UQCRC1: variants seen among roughly 807,000 people sequenced by gnomAD.
UQCRC1 encodes the protein ubiquinol-cytochrome c reductase core protein 1.
Under a neutral mutation model 58.0 loss-of-function variants are expected in UQCRC1, and 34 were observed. The ratio of observed to expected loss-of-function variants is 0.59; its 90% CI spans 0.45 to 0.78. The LOEUF is 0.78. UQCRC1 is among the 30% of genes least tolerant of loss of function. UQCRC1 has a pLI of 0.00. For synonymous variants in UQCRC1, 276 were observed against 248.8 expected, an observed-to-expected ratio of 1.11 and a Z score of -1.03; for missense variants, 610 against 646.0, an observed-to-expected ratio of 0.94 and a Z score of 0.60.
chr3:48,604,505 C>T lies in UQCRC1; in HGVS notation c.428-74G>A, dbSNP rs2046394584. On this transcript the variant is annotated intron_variant, in intron 4 of 12. Transcript: ENST00000203407. ...CAACGACAGCACAAAATCCCCAGGC[C>T]TGGCATCTCCTGCTGCCCACCCCTA... 3.8e-6 allele frequency: 6 copies of T among 1,586,934 alleles called. No homozygotes were observed. In the South Asian group the frequency reaches 6.7e-5, roughly 18 times the overall value.
chr3:48,599,233 C>T (rs765803623), intron 12 of UQCRC1, 41 bp from the exon 13 acceptor site: 1 of 1,562,362 alleles, frequency 6.4e-7, no homozygotes, highest in East Asian at 2.3e-5. Context: ...GGTACCTGGC[C>T]TGCACAGGGA....
In UQCRC1 at chr3:48,601,178, G is replaced by T. The variant is rs528557691; in HGVS notation, c.823-60C>A. On this transcript the variant is annotated intron_variant, in intron 7 of 12. Coordinates refer to ENST00000203407, the MANE Select transcript of UQCRC1 (RefSeq NM_003365.3). The stretch of plus-strand genomic sequence containing the variant: ...AGACTGCCAGGGGAACAGAAAAGGT[G>T]GCAGGTGTGGGTAGAGGGTGTATGT... 142 of 1,563,924 alleles carry T rather than the reference G, an allele frequency of 9.1e-5. 2 individuals are homozygous for T. The Middle Eastern group carries it at 1.7e-3, about 19-fold the overall frequency.
Position 48,609,311 on chromosome 3 carries a change from G to C in UQCRC1, c.70-9C>G. 1.3e-6 allele frequency: 2 copies of C among 1,599,742 alleles called. No homozygotes were observed. The highest frequency in any genetic ancestry group is 2.7e-5 in the African/African-American group (2 of 74,814). On this transcript the variant is annotated splice_polypyrimidine_tract_variant and intron_variant, in intron 1 of 12. Coordinates refer to ENST00000203407, the MANE Select transcript of UQCRC1 (RefSeq NM_003365.3). ...GTCCGCAGCAGGGCCGGCTGTGGAA[G>C]GGAACAGCCGCGAGTGAGGACTCGG...
chr3:48,601,558 T>C (rs991548769), intron 6 of UQCRC1, 91 bp from the exon 7 acceptor site: 10 of 1,185,832 alleles, frequency 8.4e-6, no homozygotes, highest in Non-Finnish European at 1.2e-5. Context: ...CCCCATGTCC[T>C]GTCTTAGTGG....
chr3:48,608,701 T>C (rs773052359), intron 2 of UQCRC1, among the ~76,000 whole-genome samples: 1 of 152,234 alleles, frequency 6.6e-6, no homozygotes, highest in African/African-American at 2.4e-5. Context: ...TTTAGAGAAT[T>C]TGTATTTTTT....
At position 48,604,669 on chromosome 3, in the gene UQCRC1, A is replaced by T; in HGVS notation, c.409T>A (p.Ser137Thr). The T allele has an allele frequency of 1.2e-6, 2 of 1,614,076 alleles. No homozygotes were observed. The highest frequency in any genetic ancestry group is 1.7e-6 in the Non-Finnish European group (2 of 1,180,016). ...GTGTTACCTTTCGGCAGATCCTTGG[A>T]CAGCGCCTTGATGTAGTAAGCTGTG... The part of the protein sequence containing the change: ...EHTAYYIKAL[S>T]KDLPKAVELL... The change falls in exon 4 of 13, where the codon TCC becomes ACC. Residue 137 changes from serine (S) to threonine (T), a missense_variant. Ser to Thr is a moderately conservative substitution (Grantham distance 58). Transcript: ENST00000203407.
chr3:48,601,626 C>G (rs1301769661), intron 6 of UQCRC1, among the ~76,000 whole-genome samples, 159 bp from the exon 7 acceptor site: 2 of 152,244 alleles, frequency 1.3e-5, no homozygotes, highest in Non-Finnish European at 2.9e-5. Flanking sequence ...CCTCCTCAGA[C>G]AGACCCTGCC....
At position 48,609,599 on chromosome 3, in the gene UQCRC1, G is replaced by A. The variant is rs752896953; in HGVS notation, c.22C>T (p.Arg8Trp). 2.1e-4 allele frequency: 333 copies of A among 1,570,304 alleles called. 4 individuals carry two copies. The South Asian group carries it at 3.0e-3, about 14-fold the overall frequency. ...ACTTGTGCCCCGGCGGTAGCGGCCC[G>A]ACAGACCACGGACGCCGCCATCTTC... MAASVVCRAATAGAQVLL... is the reference protein window; with the variant it reads MAASVVCWAATAGAQVLL... Residue 8 changes from arginine to tryptophan, a missense_variant, in exon 1 of 13, where the codon CGG (arginine) becomes TGG (tryptophan). Arg to Trp is a moderately radical substitution (Grantham distance 101). Coordinates refer to ENST00000203407, the MANE Select transcript of UQCRC1 (RefSeq NM_003365.3).
In UQCRC1 at chr3:48,600,988, T is replaced by C; in HGVS notation, c.953A>G (p.Tyr318Cys). ...NAIIGHYDCT[Y>C]GGGVHLSSPL... is the part of the protein sequence containing the mutation. The stretch of plus-strand genomic sequence containing the variant: ...GCTGGCACTCACCACGCCACCACCA[T>C]AAGTGCAGTCATAGTGGCCGATGAT... The change falls in exon 8 of 13, where the codon TAT (tyrosine) becomes TGT (cysteine). Residue 318 changes from tyrosine (Y) to cysteine (C), a missense_variant. By Grantham distance (194) the Tyr-to-Cys change is radical. Transcript: ENST00000203407. 6.2e-7 allele frequency: 1 copy of C among 1,605,184 alleles called. No homozygotes were observed. Among genetic ancestry groups the C allele is most frequent in the East Asian group, 2.2e-5 (1 of 44,572 alleles).
Position 48,600,057 on chromosome 3 carries a change from TGTTACCGCAATCC to T in UQCRC1, c.1295_1302+5del. 6.2e-7 allele frequency: 1 copy of T among 1,614,130 alleles called. No individual in the cohort carries two copies. On this transcript the variant is annotated splice_donor_variant and splice_donor_5th_base_variant and coding_sequence_variant and intron_variant, in exon 11 of 13. Coordinates refer to ENST00000203407, the MANE Select transcript of UQCRC1 (RefSeq NM_003365.3). LOFTEE classifies it high-confidence loss of function. ...CTCCAGAACCTCTCCCAGGGGTCCA[TGTTACCGCAATCC>T]GGCTTTCCCATTCAGCCAGGGGGAT...
intron 2 of UQCRC1, among the ~76,000 whole-genome samples, 178 bp downstream of exon 2, chr3:48,608,984 G>C (rs761997167): frequency 6.6e-6 from 1 of 152,196 alleles, no homozygotes; most frequent in Non-Finnish European, 1.5e-5. Context: ...AGTGAAGATT[G>C]TCCCGTGAAG....
At chr3:48,609,083 C>G in intron 2 of UQCRC1, 79 bp downstream of exon 2, 2 of 1,529,392 alleles carry the variant, frequency 1.3e-6, no homozygotes, top group Non-Finnish European at 1.8e-6. Flanking sequence ...AAGACTCGAG[C>G]CCAAGGTCAC....
At position 48,600,547 on chromosome 3, in the gene UQCRC1, G is replaced by A; in HGVS notation, c.1148C>T (p.Ala383Val). 4 of 1,614,082 alleles carry A rather than the reference G, an allele frequency of 2.5e-6. No homozygotes were observed. The highest frequency in any genetic ancestry group is 3.4e-6 in the Non-Finnish European group (4 of 1,180,020). Residue 383 changes from alanine (A) to valine (V), a missense_variant, in exon 10 of 13, where the codon GCC (alanine) becomes GTC (valine). Coordinates refer to ENST00000203407, the MANE Select transcript of UQCRC1 (RefSeq NM_003365.3). ...QGQWMRLCTS[A>V]TESEVARGKN... Reference sequence around the variant, plus strand: ...GCCCCGGGCCACCTCACTCTCCGTGGCACTGGTACACAGGCGCATCCTAAA... The same window carrying A: ...GCCCCGGGCCACCTCACTCTCCGTGACACTGGTACACAGGCGCATCCTAAA...
intron 2 of UQCRC1, 63 bp from the exon 3 acceptor site, chr3:48,605,919 C>A: frequency 6.6e-7 from 1 of 1,514,490 alleles, no homozygotes; most frequent in Non-Finnish European, 9.1e-7. Flanking sequence ...TACTCACACC[C>A]CACCTGAGTG....
At chr3:48,599,402 T>C (rs919215530) in intron 12 of UQCRC1, 1 of 691,694 alleles carries the variant, frequency 1.4e-6, no homozygotes, top group Non-Finnish European at 2.4e-6. Flanking sequence ...AGGTGCCCGT[T>C]ACCTGACGGG....
In UQCRC1 at chr3:48,605,224, C is replaced by G. The variant is rs553575111; in HGVS notation, c.298-444G>C. Among the ~76,000 whole-genome samples, 4 of 152,322 alleles carry G rather than the reference C, an allele frequency of 2.6e-5. No individual in the cohort carries two copies. The South Asian group carries it at 8.3e-4, about 32-fold the overall frequency. On this transcript the variant is annotated intron_variant, in intron 3 of 12. Coordinates refer to ENST00000203407, the MANE Select transcript of UQCRC1 (RefSeq NM_003365.3). The stretch of plus-strand genomic sequence containing the variant: ...GCTAGTGGCCTCTGTGGGACCCAAT[C>G]CTAGTCCTGTGTGTGGAGAACAGTG...
In UQCRC1 at chr3:48,599,017, T is replaced by G; in HGVS notation, c.*111A>C. ...GATGACACACTTCTCAGCAGAGGATTTTATTGGTGGTCACCTGTGGCACAG... is the reference window on the plus strand; with the variant it reads ...GATGACACACTTCTCAGCAGAGGATGTTATTGGTGGTCACCTGTGGCACAG... On this transcript the variant is annotated 3_prime_UTR_variant, in exon 13 of 13. Coordinates refer to ENST00000203407, the MANE Select transcript of UQCRC1 (RefSeq NM_003365.3). 6 of 1,258,336 alleles carry G rather than the reference T, an allele frequency of 4.8e-6. No homozygotes were observed. The highest frequency in any genetic ancestry group is 2.3e-4 in the Middle Eastern group (1 of 4,318). 77.9% of individuals were successfully genotyped at this position (1,258,336 alleles called of 1,614,324 possible).
intron 2 of UQCRC1, among the ~76,000 whole-genome samples, chr3:48,607,356 TA>T (rs1301161739): frequency 6.6e-6 from 1 of 152,162 alleles, no homozygotes. Context: ...TTTGTATTTT[TA>T]GTAGAGGCGG....
At chr3:48,609,325 G>A in intron 1 of UQCRC1, 23 bp from the exon 2 acceptor site, 4 of 1,592,676 alleles carry the variant, frequency 2.5e-6, no homozygotes, top group Non-Finnish European at 3.4e-6. Context: ...ACAGCCGCGA[G>A]TGAGGACTCG....
Sources: gnomAD v4.1 joint callset for allele counts (sites outside exome capture counted in the v4.1 genomes callset) on GRCh38, gnomAD v4.1.1 for gene constraint, MANE v1.5 for transcripts, NCBI Gene and HGNC (gene_info 2026-07-23, HGNC 2026-07-21) for gene names.